The following FMO1 variants were observed in gnomAD, a reference collection of about 807,000 sequenced individuals.
FMO1 encodes flavin containing dimethylaniline monoxygenase 1, also known as flavin-containing monooxygenase 1.
FMO1 carries 36 observed loss-of-function variants against 45.4 expected under a neutral mutation model. The ratio of observed to expected loss-of-function variants is 0.79; its 90% CI spans 0.61 to 1.05. The LOEUF (loss-of-function observed/expected upper bound fraction) is 1.05. Among genes scored for constraint, FMO1 ranks in the 50% least tolerant of loss-of-function variants. The pLI is 0.00. For synonymous variants in FMO1, 228 were observed against 227.2 expected, an observed-to-expected ratio of 1.00 and a Z score of -0.03; for missense variants, 615 against 640.3, an observed-to-expected ratio of 0.96 and a Z score of 0.43.
At chr1:171,254,900 T>A (rs954984337) in intron 1 of FMO1, among the ~76,000 whole-genome samples, 2 of 152,246 alleles carry the variant, frequency 1.3e-5, no homozygotes, top group African/African-American at 4.8e-5. Context: ...GACATACTTC[T>A]GTCTTAGCAT....
Position 171,267,530 on chromosome 1 carries a change from A to T in FMO1, c.133-13A>T. The T allele has an allele frequency of 1.3e-6, 2 of 1,576,778 alleles. No homozygotes were observed. Among genetic ancestry groups the T allele is most frequent in the Non-Finnish European group, 1.7e-6 (2 of 1,163,674 alleles). ...ATGCAATGAATGTTCATGTGTGTGC[A>T]CTGTTTGTACAGGAACATGTTGAAG... is the stretch of plus-strand genomic sequence containing the variant. On this transcript the variant is annotated splice_polypyrimidine_tract_variant and intron_variant, in intron 2 of 8. Transcript: ENST00000617670.
intron 1 of FMO1, among the ~76,000 whole-genome samples, chr1:171,250,476 C>T (rs755698320): frequency 1.6e-4 from 24 of 152,174 alleles, no homozygotes; most frequent in Admixed American, 3.9e-4. Context: ...TAATGACAGG[C>T]GTCACCTCAT....
chr1:171,264,563 G>C (rs1177778711), intron 2 of FMO1, among the ~76,000 whole-genome samples: 1 of 151,794 alleles, frequency 6.6e-6, no homozygotes, highest in South Asian at 2.1e-4. Flanking sequence ...ATGGTCCATG[G>C]GCCAGCAGCG....
rs769733946 is a variant in FMO1 at position 171,278,842 on chromosome 1, G to A, written c.598G>A (p.Ala200Thr). 2 of 1,612,220 alleles carry A rather than the reference G, an allele frequency of 1.2e-6. No individual in the cohort carries two copies. The highest frequency in any genetic ancestry group is 4.5e-5 in the East Asian group (2 of 44,856). Residue 200 changes from alanine to threonine, a missense_variant, in exon 5 of 9, where the codon GCT (alanine) becomes ACT (threonine). By Grantham distance (58) the Ala-to-Thr change is moderately conservative. Coordinates refer to ENST00000617670, the MANE Select transcript of FMO1 (RefSeq NM_001282693.2). The part of the protein sequence containing the change: ...IGMGNSGTDI[A>T]VEASHLAEKV... ...AATGGGAAATTCTGGCACAGACATT[G>A]CTGTGGAGGCCAGCCACCTGGCGGA...
chr1:171,283,331 A>G (rs1205720266), intron 8 of FMO1, 115 bp downstream of exon 8: 8 of 540,506 alleles, frequency 1.5e-5, no homozygotes, highest in Non-Finnish European at 2.5e-5. Flanking sequence ...AATAGCAGAG[A>G]GATGAAAGTT....
chr1:171,281,075 C>T, intron 6 of FMO1, 90 bp downstream of exon 6: 1 of 1,010,412 alleles, frequency 9.9e-7, no homozygotes, highest in African/African-American at 1.6e-5. Flanking sequence ...ACCACAGCAA[C>T]ATGGCTGAAT....
rs116190964 is a variant in FMO1 at position 171,282,228 on chromosome 1, C to T, written c.1078C>T (p.His360Tyr). The change falls in exon 7 of 9, where the codon CAT (histidine) becomes TAT (tyrosine). Residue 360 changes from histidine (H) to tyrosine (Y), a missense_variant. Physicochemically the swap from His to Tyr is moderately conservative, Grantham distance 83 (BLOSUM62 2). Transcript: ENST00000617670. ...ACTGTACAAGTATATCTTCCCTGCACATCTGCAAAAGCCAACCCTGGCCAT... is the reference window on the plus strand; with the variant it reads ...ACTGTACAAGTATATCTTCCCTGCATATCTGCAAAAGCCAACCCTGGCCAT... ...ASLYKYIFPAHLQKPTLAIIG... is the reference protein window; with the variant it reads ...ASLYKYIFPAYLQKPTLAIIG... The T allele has an allele frequency of 2.8e-4, 445 of 1,614,014 alleles. 2 individuals carry two copies. In the African/African-American group the frequency reaches 5.2e-3, roughly 19 times the overall value.
intron 3 of FMO1, 128 bp from the exon 4 acceptor site, chr1:171,275,218 T>C: frequency 1.5e-6 from 1 of 665,762 alleles, no homozygotes; most frequent in South Asian, 2.4e-5. Context: ...ATTAGGTTTC[T>C]AGGGTTATAC....
chr1:171,270,925 C>A, intron 3 of FMO1: 1 of 783,184 alleles, frequency 1.3e-6, no homozygotes. Context: ...GCTTTATAGA[C>A]GAGAAAAAAA....
chr1:171,285,537 TC>T lies in FMO1; in HGVS notation c.1594del (p.Leu532TyrfsTer3), dbSNP rs1661595576. 6.6e-7 allele frequency: 1 copy of T among 1,504,530 alleles called. No homozygotes were observed. Among genetic ancestry groups the T allele is most frequent in the Non-Finnish European group, 8.9e-7 (1 of 1,125,720 alleles). The allele number at this position is 1,504,530 out of a possible 1,614,324, so 93.2% of individuals were successfully genotyped here. ...TTGCTTGTGGCTATTTTTCTGATTT[TC>T]CTATAAGTAAAAGATCTCCTAAATG... ...LALLVAIFLI[F>X]L On this transcript the variant is annotated frameshift_variant, in exon 9 of 9. Transcript: ENST00000617670. LOFTEE classifies it high-confidence loss of function.
chr1:171,273,354 G>A (rs996823493), intron 3 of FMO1, among the ~76,000 whole-genome samples: 1 of 152,154 alleles, frequency 6.6e-6, no homozygotes, highest in Admixed American at 6.5e-5. Context: ...GATTTCCAAA[G>A]AGTATTTTAT....
chr1:171,270,994 T>G (rs2101822785), intron 3 of FMO1: 1 of 938,514 alleles, frequency 1.1e-6, no homozygotes, highest in Non-Finnish European at 1.7e-6. Context: ...ATCTACCTCC[T>G]CATCATAATC....
At chr1:171,250,584 G>A (rs1383137718) in intron 1 of FMO1, among the ~76,000 whole-genome samples, 1 of 152,096 alleles carries the variant, frequency 6.6e-6, no homozygotes, top group Non-Finnish European at 1.5e-5. Flanking sequence ...CTTTCAAGAA[G>A]AGGAAGCAGT....
At chr1:171,251,739 C>T (rs1659905594) in intron 1 of FMO1, 1 of 149,882 alleles carries the variant, frequency 6.7e-6, no homozygotes, top group Non-Finnish European at 1.5e-5. Context: ...TTACAGGCTC[C>T]CTGCCGAGTC....
intron 2 of FMO1, among the ~76,000 whole-genome samples, chr1:171,260,116 T>C (rs879323222): frequency 1.3e-5 from 2 of 152,088 alleles, no homozygotes; most frequent in African/African-American, 2.4e-5. Context: ...ACTGGGCATA[T>C]TCAGAAAGTA....
Position 171,278,871 on chromosome 1 carries a change from G to T in FMO1, c.627G>T (p.Lys209Asn), listed in dbSNP as rs1183035320. ...TGGAGGCCAGCCACCTGGCGGAAAA[G>T]GTACATTCCTGATGTTACTGGGTGA... ...IAVEASHLAE[K>N]VFLSTTGGGW... Residue 209 changes from lysine to asparagine, a missense_variant and splice_region_variant, in exon 5 of 9, where the codon AAG (lysine) becomes AAT (asparagine). Coordinates refer to ENST00000617670, the MANE Select transcript of FMO1 (RefSeq NM_001282693.2). The T allele has an allele frequency of 6.2e-6, 10 of 1,608,654 alleles. No homozygotes were observed. Among genetic ancestry groups the T allele is most frequent in the Admixed American group, 3.4e-5 (2 of 59,658 alleles).
chr1:171,265,165 C>A (rs527453972), intron 2 of FMO1, among the ~76,000 whole-genome samples: 8 of 151,888 alleles, frequency 5.3e-5, no homozygotes, highest in African/African-American at 1.5e-4. Context: ...CCAAGGCAGG[C>A]GGATCATGAG....
At chr1:171,272,394 C>T (rs1441090105) in intron 3 of FMO1, among the ~76,000 whole-genome samples, 1 of 152,220 alleles carries the variant, frequency 6.6e-6, no homozygotes. Flanking sequence ...AGTCCCCACA[C>T]AGAGTCTCTA....
intron 2 of FMO1, among the ~76,000 whole-genome samples, chr1:171,260,059 G>C (rs1308939522): frequency 6.6e-6 from 1 of 152,198 alleles, no homozygotes; most frequent in African/African-American, 2.4e-5. Flanking sequence ...AGGTAGACAA[G>C]ATTGAGCAGA....
Sources: gnomAD v4.1 joint callset for allele counts (sites outside exome capture counted in the v4.1 genomes callset) on GRCh38, gnomAD v4.1.1 for gene constraint, MANE v1.5 for transcripts, NCBI Gene and HGNC (gene_info 2026-07-23, HGNC 2026-07-21) for gene names.